NUFIP2: variants seen among roughly 807,000 people sequenced by gnomAD.
The protein encoded by NUFIP2 is FMR1-interacting protein NUFIP2.
In NUFIP2, 6 loss-of-function variants were observed where a neutral mutation model predicts 56.9. The ratio of observed to expected loss-of-function variants is 0.11; its 90% CI spans 0.06 to 0.21. The LOEUF (loss-of-function observed/expected upper bound fraction) is 0.21, where lower values mean the gene tolerates loss of function less well. Among genes scored for constraint, NUFIP2 ranks in the 10% least tolerant of loss-of-function variants. The pLI is 1.00. For missense variants in NUFIP2, 828 were observed against 826.8 expected, an observed-to-expected ratio of 1.00 and a Z score of -0.02; for synonymous variants, 321 against 298.2, an observed-to-expected ratio of 1.08 and a Z score of -0.79.
chr17:29,290,270 T>G (rs182278894), intron 1 of NUFIP2, among the ~76,000 whole-genome samples: 1 of 152,142 alleles, frequency 6.6e-6, no homozygotes, highest in Non-Finnish European at 1.5e-5. Flanking sequence ...AAAGCTATGA[T>G]AGCCAATCAA....
intron 2 of NUFIP2, among the ~76,000 whole-genome samples, chr17:29,274,386 T>C (rs1017179235): frequency 2.4e-4 from 37 of 152,166 alleles, no homozygotes; most frequent in Non-Finnish European, 1.0e-4. Flanking sequence ...AGCAAGAGGA[T>C]TGCTCGAGTC....
chr17:29,264,698 T>G, intron 3 of NUFIP2, 107 bp from the exon 4 acceptor site: 1 of 648,820 alleles, frequency 1.5e-6, no homozygotes. Flanking sequence ...AATTTTTTTA[T>G]GAAAACAAAA....
At chr17:29,292,767 G>A (rs2153013128) in intron 1 of NUFIP2, among the ~76,000 whole-genome samples, 1 of 149,400 alleles carries the variant, frequency 6.7e-6, no homozygotes, top group East Asian at 2.0e-4. Flanking sequence ...GCCCTGCGCA[G>A]GCCGCTCCCC....
rs925958794 is a variant in NUFIP2, at chr17:29,260,216, G to A, written c.*4323C>T. 6 of 151,784 alleles carry A rather than the reference G, an allele frequency of 4.0e-5. No individual in the cohort carries two copies. Among genetic ancestry groups the A allele is most frequent in the African/African-American group, 9.7e-5 (4 of 41,282 alleles). 9.4% of individuals were successfully genotyped at this position (151,784 alleles called of 1,614,324 possible). A position where few individuals can be genotyped will look rare whatever the true frequency, so the allele number is the denominator to read the frequency against. On this transcript the variant is annotated 3_prime_UTR_variant, in exon 4 of 4. Coordinates refer to ENST00000225388, the MANE Select transcript of NUFIP2 (RefSeq NM_020772.3). ...GTAAGGGGACAAGAGCAAATCCTACGTTTTCCTTTCAAATCCAACAGTTAA... is the reference window on the plus strand; with the variant it reads ...GTAAGGGGACAAGAGCAAATCCTACATTTTCCTTTCAAATCCAACAGTTAA...
At chr17:29,287,775 T>G in intron 1 of NUFIP2, 59 bp from the exon 2 acceptor site, 1 of 1,415,346 alleles carries the variant, frequency 7.1e-7, no homozygotes, top group African/African-American at 1.4e-5. Flanking sequence ...ATTACACTAA[T>G]ACCTAACATT....
At chr17:29,272,712 T>C (rs1331684589) in intron 2 of NUFIP2, among the ~76,000 whole-genome samples, 2 of 152,198 alleles carry the variant, frequency 1.3e-5, no homozygotes, top group Non-Finnish European at 2.9e-5. Context: ...TTGGAATGTT[T>C]CCATTATATT....
chr17:29,280,158 A>G (rs1386739966), intron 2 of NUFIP2, among the ~76,000 whole-genome samples: 1 of 152,178 alleles, frequency 6.6e-6, no homozygotes, highest in South Asian at 2.1e-4. Context: ...CAGCATTTCA[A>G]ATGCTTCATA....
In NUFIP2 at chr17:29,287,247, G is replaced by A; in HGVS notation, c.747C>T (p.Thr249=). The part of the protein sequence containing the change: ...IVQDKIMQQE[T]SVPTLKQGLE... ...GTCCCTGTTTTAAGGTTGGGACACT[G>A]GTCTCTTGTTGCATTATTTTGTCCT... The change falls in exon 2 of 4, where the codon ACC becomes ACT. Residue 249 remains threonine, a synonymous_variant. Coordinates refer to ENST00000225388, the MANE Select transcript of NUFIP2 (RefSeq NM_020772.3). The A allele has an allele frequency of 6.2e-7, 1 of 1,614,104 alleles. No individual in the cohort carries two copies.
chr17:29,290,665 AAAG>A (rs201509355), intron 1 of NUFIP2, among the ~76,000 whole-genome samples: 182 of 90,038 alleles, frequency 2.0e-3, no homozygotes, highest in South Asian at 7.8e-3. Context: ...AAAAAAAAAA[AAAG>A]AAAGAAAGAA....
chr17:29,274,759 C>T (rs990217809), intron 2 of NUFIP2, among the ~76,000 whole-genome samples: 3 of 151,826 alleles, frequency 2.0e-5, no homozygotes, highest in African/African-American at 7.3e-5. Context: ...ATGATTCTTC[C>T]AGGTAATGAA....
chr17:29,293,457 C>T (rs915494481), intron 1 of NUFIP2, among the ~76,000 whole-genome samples: 3 of 152,074 alleles, frequency 2.0e-5, no homozygotes, highest in East Asian at 1.9e-4. Context: ...ATTGAGGTAA[C>T]TCCAGGGACG....
At chr17:29,268,078 T>C (rs1240870459) in intron 2 of NUFIP2, among the ~76,000 whole-genome samples, 1 of 151,990 alleles carries the variant, frequency 6.6e-6, no homozygotes, top group East Asian at 1.9e-4. Context: ...TTTGTATTTT[T>C]AGTAGAGATG....
At chr17:29,292,716 G>T (rs1429918089) in intron 1 of NUFIP2, among the ~76,000 whole-genome samples, 1 of 147,172 alleles carries the variant, frequency 6.8e-6, no homozygotes, top group Admixed American at 6.7e-5. Context: ...CGCGCCTCCC[G>T]CCGCACCCGG....
intron 3 of NUFIP2, 122 bp downstream of exon 3, chr17:29,267,376 T>C (rs2069044579): frequency 1.7e-6 from 1 of 605,416 alleles, no homozygotes; most frequent in Admixed American, 3.3e-5. Flanking sequence ...TGATTGCAGT[T>C]ATTAAATAAC....
intron 2 of NUFIP2, among the ~76,000 whole-genome samples, chr17:29,274,022 A>T (rs556139215): frequency 2.0e-5 from 3 of 152,188 alleles, no homozygotes; most frequent in African/African-American, 7.2e-5. Context: ...GCAAAACCAA[A>T]GAGTCTGCCC....
Position 29,286,276 on chromosome 17 carries a change from G to C in NUFIP2, c.1718C>G (p.Pro573Arg). The C allele has an allele frequency of 6.2e-7, 1 of 1,614,200 alleles. No individual in the cohort carries two copies. The highest frequency in any genetic ancestry group is 8.5e-7 in the Non-Finnish European group (1 of 1,180,032). Reference protein sequence around the residue: ...KAYELEKRTSPQVLGSILKSG... With the variant: ...KAYELEKRTSRQVLGSILKSG... The stretch of plus-strand genomic sequence containing the variant: ...TTTTAGAATGCTACCCAGAACTTGA[G>C]GACTAGTCCGTTTCTCCAGCTCGTA... Residue 573 changes from proline (P) to arginine (R), a missense_variant, in exon 2 of 4, where the codon CCT becomes CGT. By Grantham distance (103) the Pro-to-Arg change is moderately radical. Coordinates refer to ENST00000225388, the MANE Select transcript of NUFIP2 (RefSeq NM_020772.3).
chr17:29,267,135 C>T (rs1353471897), intron 3 of NUFIP2, among the ~76,000 whole-genome samples: 1 of 151,814 alleles, frequency 6.6e-6, no homozygotes, highest in Admixed American at 6.6e-5. Context: ...AACTCCTGAC[C>T]TCGGGTGATC....
At position 29,293,937 on chromosome 17, in the gene NUFIP2, G is replaced by A. The variant is rs748592745; in HGVS notation, c.123C>T (p.His41=). The change falls in exon 1 of 4, where the codon CAC becomes CAT. Residue 41 remains histidine (H), a synonymous_variant. Coordinates refer to ENST00000225388, the MANE Select transcript of NUFIP2 (RefSeq NM_020772.3). ...HHHHHYYFYN[H]SHNHHHHHHH... Reference sequence around the variant, plus strand: ...GATGGTGGTGGTGGTGGTTGTGGCTGTGGTTGTAGAAATAATAATGGTGGT... The same window carrying A: ...GATGGTGGTGGTGGTGGTTGTGGCTATGGTTGTAGAAATAATAATGGTGGT... The A allele has an allele frequency of 1.2e-6, 2 of 1,613,476 alleles. No homozygotes were observed. The highest frequency in any genetic ancestry group is 2.2e-5 in the South Asian group (2 of 91,070).
At chr17:29,277,859 C>T (rs1347637837) in intron 2 of NUFIP2, among the ~76,000 whole-genome samples, 5 of 151,856 alleles carry the variant, frequency 3.3e-5, no homozygotes, top group Admixed American at 2.6e-4. Context: ...ACTAAAAATA[C>T]AAAATTAGCC....
Sources: gnomAD v4.1 joint callset for allele counts (sites outside exome capture counted in the v4.1 genomes callset) on GRCh38, gnomAD v4.1.1 for gene constraint, MANE v1.5 for transcripts, NCBI Gene and HGNC (gene_info 2026-07-23, HGNC 2026-07-21) for gene names.